CRYZ: variants seen among roughly 807,000 people sequenced by gnomAD.
The protein encoded by CRYZ is crystallin zeta.
In CRYZ, 35 loss-of-function variants were observed where a neutral mutation model predicts 34.1. The ratio of observed to expected loss-of-function variants is 1.03; its 90% CI spans 0.78 to 1.36. The LOEUF is 1.36. Among genes scored for constraint, CRYZ ranks in the 40% most tolerant of loss-of-function variants. The pLI is 0.00. For missense variants in CRYZ, 403 were observed against 391.8 expected (o/e 1.03, Z -0.24); for synonymous variants, 137 against 136.5 (o/e 1.00, Z -0.03).
chr1:74,732,104 G>T (rs1407255312), intron 1 of CRYZ, among the ~76,000 whole-genome samples: 1 of 149,390 alleles, frequency 6.7e-6, no homozygotes, highest in Non-Finnish European at 1.5e-5. Context: ...CTACAGCTGG[G>T]CTGTGCGAAG....
chr1:74,732,637 A>AGGGGGGGGGGG (rs1647886794), intron 1 of CRYZ: 1 of 38,450 alleles, frequency 2.6e-5, no homozygotes, highest in Non-Finnish European at 5.9e-5. Context: ...GCTGGGGGAC[A>AGGGGGGGGGGG]GGGAGTGCGG....
Position 74,723,124 on chromosome 1 carries a change from A to G in CRYZ, c.258T>C (p.Ala86=). The change falls in exon 3 of 9, where the codon GCT becomes GCC. Residue 86 remains alanine, a synonymous_variant. Transcript: ENST00000340866. The part of the protein sequence containing the change: ...VIEAVGDNAS[A]FKKGDRVFTS... The stretch of plus-strand genomic sequence containing the variant: ...ATAATTAAAAATGCAATACCTTGAA[A>G]GCAGATGCATTATCTCCAACAGCTT... 1 of 1,610,866 alleles carries G rather than the reference A, an allele frequency of 6.2e-7. No homozygotes were observed. The highest frequency in any genetic ancestry group is 1.1e-5 in the South Asian group (1 of 89,854).
rs184653052 is a variant in CRYZ at position 74,710,964 on chromosome 1, G to A, written c.481-717C>T. The stretch of plus-strand genomic sequence containing the variant: ...GAATAGGGGCTATTTAGGTCATCAG[G>A]AAGAGCCACTCTGAAAAAATGAGAC... On this transcript the variant is annotated intron_variant, in intron 5 of 8. Transcript: ENST00000340866. Among the ~76,000 whole-genome samples the A allele has an allele frequency of 4.0e-3, 606 of 152,256 alleles. 2 individuals carry two copies. Among genetic ancestry groups the A allele is most frequent in the African/African-American group, 0.013 (559 of 41,542 alleles).
At chr1:74,710,410 T>C (rs1005559599) in intron 5 of CRYZ, among the ~76,000 whole-genome samples, 163 bp from the exon 6 acceptor site, 2 of 152,216 alleles carry the variant, frequency 1.3e-5, no homozygotes, top group Non-Finnish European at 1.5e-5. Context: ...AATTGAGCAT[T>C]TAAAATATTC....
At chr1:74,732,890 C>G in intron 1 of CRYZ, 66 bp downstream of exon 1, 1 of 233,324 alleles carries the variant, frequency 4.3e-6, no homozygotes, top group East Asian at 1.1e-4. Flanking sequence ...AACTCGGTTC[C>G]ACTTGGACGA....
intron 4 of CRYZ, 124 bp from the exon 5 acceptor site, chr1:74,714,754 A>G: frequency 1.2e-6 from 1 of 812,876 alleles, no homozygotes; most frequent in Non-Finnish European, 2.1e-6. Flanking sequence ...AGCAAATGCA[A>G]CCTGACATAC....
At chr1:74,720,343 G>A (rs867878916) in intron 3 of CRYZ, among the ~76,000 whole-genome samples, 3 of 152,006 alleles carry the variant, frequency 2.0e-5, no homozygotes, top group Non-Finnish European at 4.4e-5. Context: ...TTCTTGTCAC[G>A]GCACCAGAAA....
chr1:74,727,658 A>C (rs1647444200), intron 1 of CRYZ, among the ~76,000 whole-genome samples: 1 of 149,742 alleles, frequency 6.7e-6, no homozygotes, highest in Non-Finnish European at 1.5e-5. Flanking sequence ...AAAAAAAAAA[A>C]AAAAAAAAAC....
At chr1:74,731,408 GA>G (rs916754953) in intron 1 of CRYZ, among the ~76,000 whole-genome samples, 2 of 151,832 alleles carry the variant, frequency 1.3e-5, no homozygotes, top group African/African-American at 2.4e-5. Context: ...TGAAAACTTA[GA>G]AAAAAAATCA....
At chr1:74,711,519 G>A (rs1404867887) in intron 5 of CRYZ, among the ~76,000 whole-genome samples, 1 of 152,212 alleles carries the variant, frequency 6.6e-6, no homozygotes, top group African/African-American at 2.4e-5. Flanking sequence ...AATACAGGCT[G>A]TCTCCTATGT....
chr1:74,726,106 AT>A (rs1647322887), intron 1 of CRYZ, among the ~76,000 whole-genome samples: 2 of 152,218 alleles, frequency 1.3e-5, no homozygotes, highest in East Asian at 3.9e-4. Flanking sequence ...CTATCAGTGG[AT>A]CTACCATTCT....
chr1:74,729,321 C>T (rs1647564855), intron 1 of CRYZ, among the ~76,000 whole-genome samples: 1 of 151,708 alleles, frequency 6.6e-6, no homozygotes, highest in Admixed American at 6.6e-5. Flanking sequence ...ACGTGGCAAG[C>T]ACCAAGCACA....
At chr1:74,730,582 T>C (rs1647660420) in intron 1 of CRYZ, among the ~76,000 whole-genome samples, 1 of 152,248 alleles carries the variant, frequency 6.6e-6, no homozygotes, top group African/African-American at 2.4e-5. Flanking sequence ...TTATTTAAAC[T>C]ATTATTTTAT....
chr1:74,719,089 A>G, intron 4 of CRYZ, 120 bp downstream of exon 4: 1 of 993,414 alleles, frequency 1.0e-6, no homozygotes, highest in Non-Finnish European at 1.5e-6. Context: ...TAAATGTTTA[A>G]TGGTAAGTAA....
intron 6 of CRYZ, chr1:74,707,887 C>T (rs1646951115): frequency 1.3e-5 from 2 of 152,210 alleles, no homozygotes; most frequent in Middle Eastern, 6.8e-3. Flanking sequence ...GGAAATACTA[C>T]AGTCATAGCT....
At chr1:74,720,807 A>C (rs1356953019) in intron 3 of CRYZ, among the ~76,000 whole-genome samples, 1 of 152,182 alleles carries the variant, frequency 6.6e-6, no homozygotes, top group African/African-American at 2.4e-5. Flanking sequence ...AGAAAGCATT[A>C]TTTCAAGTTA....
In CRYZ at chr1:74,706,312, AT is replaced by A. The variant is rs762295471; in HGVS notation, c.973del (p.Met325Ter). 8 of 1,604,248 alleles carry A rather than the reference AT, an allele frequency of 5.0e-6. No homozygotes were observed. Among genetic ancestry groups the A allele is most frequent in the Middle Eastern group, 1.7e-4 (1 of 6,034 alleles). On this transcript the variant is annotated frameshift_variant, in exon 9 of 9. Transcript: ENST00000340866. LOFTEE classifies it high-confidence loss of function. Reference sequence around the variant, plus strand: ...AATTAATCATCATAAGAGAAGAATCATTTTTCCAGTAGCCCCACTACCATGA... The same window carrying A: ...AATTAATCATCATAAGAGAAGAATCATTTTCCAGTAGCCCCACTACCATGA... Reference protein sequence around the residue: ...IIHGSGATGKMILLL With the variant: ...IIHGSGATGKXILLL
At chr1:74,714,985 C>A (rs1048602776) in intron 4 of CRYZ, among the ~76,000 whole-genome samples, 5 of 152,114 alleles carry the variant, frequency 3.3e-5, no homozygotes, top group Admixed American at 6.6e-5. Flanking sequence ...ATATATCCCC[C>A]ACAGAAAGGG....
At chr1:74,718,731 C>A (rs1331426849) in intron 4 of CRYZ, among the ~76,000 whole-genome samples, 1 of 151,968 alleles carries the variant, frequency 6.6e-6, no homozygotes, top group Non-Finnish European at 1.5e-5. Flanking sequence ...CTCTCAGGCA[C>A]CAGCTATGGA....
Sources: allele counts gnomAD v4.1 joint callset (sites outside exome capture counted in the v4.1 genomes callset), GRCh38; gene constraint gnomAD v4.1.1; transcripts MANE v1.5; gene names NCBI Gene and HGNC (gene_info 2026-07-23, HGNC 2026-07-21).